Variants in ATXN1 observed in about 807,000 individuals in gnomAD.
The protein encoded by ATXN1 is ataxin-1.
ATXN1 carries 8 observed loss-of-function variants against 56.4 expected under a neutral mutation model. The observed-to-expected ratio is 0.14, with a 90% confidence interval of 0.08 to 0.26. The LOEUF is 0.26. Ranked by LOEUF, ATXN1 falls within the 10% of genes least tolerant of loss-of-function variation. The pLI is 1.00. For synonymous variants in ATXN1, 514 were observed against 494.6 expected, an observed-to-expected ratio of 1.04 and a Z score of -0.52; for missense variants, 987 against 1,106.5, an observed-to-expected ratio of 0.89 and a Z score of 1.53.
chr6:16,573,250 T>C (rs1762364273), intron 4 of ATXN1, among the ~76,000 whole-genome samples: 1 of 151,856 alleles, frequency 6.6e-6, no homozygotes, highest in South Asian at 2.1e-4. Flanking sequence ...GGCATGCAAA[T>C]ATCTGCTGAA....
At chr6:16,563,993 A>G (rs1235580423) in intron 4 of ATXN1, among the ~76,000 whole-genome samples, 1 of 152,202 alleles carries the variant, frequency 6.6e-6, no homozygotes, top group Non-Finnish European at 1.5e-5. Context: ...ATCTGGGATC[A>G]TATCATGAGG....
chr6:16,632,571 G>A (rs72825568), intron 3 of ATXN1, among the ~76,000 whole-genome samples: 7,456 of 152,188 alleles, frequency 0.049, 380 homozygotes, highest in African/African-American at 0.12. Flanking sequence ...AAGCCCCACT[G>A]GGATGCGGGG....
intron 3 of ATXN1, among the ~76,000 whole-genome samples, chr6:16,614,650 C>T (rs1333011858): frequency 3.3e-5 from 5 of 151,734 alleles, no homozygotes; most frequent in Non-Finnish European, 1.5e-5. Flanking sequence ...AGGCCACATG[C>T]GGTGGCTCAT....
At chr6:16,436,531 A>C (rs745674292) in intron 6 of ATXN1, among the ~76,000 whole-genome samples, 1 of 152,190 alleles carries the variant, frequency 6.6e-6, no homozygotes, top group Non-Finnish European at 1.5e-5. Context: ...AGAGACAGTA[A>C]CTTTTGGGGA....
intron 6 of ATXN1, among the ~76,000 whole-genome samples, chr6:16,436,010 G>C (rs1759380318): frequency 6.6e-6 from 1 of 151,984 alleles, no homozygotes; most frequent in Non-Finnish European, 1.5e-5. Context: ...CTATTCTCCT[G>C]CCTTAGCCTC....
chr6:16,318,499 C>T (rs1760567050), intron 7 of ATXN1, among the ~76,000 whole-genome samples: 1 of 152,152 alleles, frequency 6.6e-6, no homozygotes, highest in South Asian at 2.1e-4. Flanking sequence ...AATCAGAAAA[C>T]CCCGTCTCAA....
At chr6:16,454,186 G>C (rs1231860891) in intron 6 of ATXN1, among the ~76,000 whole-genome samples, 1 of 145,508 alleles carries the variant, frequency 6.9e-6, no homozygotes, top group Non-Finnish European at 1.5e-5. Context: ...TATTTACTGA[G>C]TGCTTACAGT....
Position 16,301,869 on chromosome 6 carries a change from A to G in ATXN1, c.*4460T>C, listed in dbSNP as rs1000351304. 2.0e-5 allele frequency: 3 copies of G among 152,756 alleles called. No individual in the cohort carries two copies. Among genetic ancestry groups the G allele is most frequent in the African/African-American group, 7.2e-5 (3 of 41,456 alleles). 9.5% of individuals were successfully genotyped at this position (152,756 alleles called of 1,614,324 possible). On this transcript the variant is annotated 3_prime_UTR_variant, in exon 8 of 8. Transcript: ENST00000436367. ...ATTAGTGTCTTCAAAAGCATTGGAG[A>G]TTTTTCTCTCTATGAAAGAAATAGG... is the stretch of plus-strand genomic sequence containing the variant.
chr6:16,562,547 G>A (rs555374988), intron 4 of ATXN1, among the ~76,000 whole-genome samples: 1 of 151,374 alleles, frequency 6.6e-6, no homozygotes, highest in South Asian at 2.1e-4. Context: ...GAAAAGAAAA[G>A]AAATGAAATG....
chr6:16,517,914 T>C (rs1259193501), intron 5 of ATXN1, among the ~76,000 whole-genome samples: 1 of 151,894 alleles, frequency 6.6e-6, no homozygotes, highest in Non-Finnish European at 1.5e-5. Context: ...AATTAAAGAG[T>C]GTGAGCAGAG....
intron 6 of ATXN1, among the ~76,000 whole-genome samples, chr6:16,419,245 G>A (rs1191140877): frequency 6.6e-6 from 1 of 152,126 alleles, no homozygotes; most frequent in African/African-American, 2.4e-5. Flanking sequence ...CACTGCACAT[G>A]GCTTCCCATG....
intron 3 of ATXN1, among the ~76,000 whole-genome samples, chr6:16,630,583 A>G (rs1170128485): frequency 1.3e-5 from 2 of 152,224 alleles, no homozygotes; most frequent in Admixed American, 6.5e-5. Flanking sequence ...CATCTGCTCA[A>G]CTGTGAATCG....
Position 16,471,134 on chromosome 6 carries a change from G to A in ATXN1, c.-161+14838C>T, listed in dbSNP as rs1164279698. ...CCTTTTGCCACAAGTTTTCATACAA[G>A]CTTTGCTTTCTCATTCCAATAATCT... On this transcript the variant is annotated intron_variant, in intron 6 of 7. Coordinates refer to ENST00000436367, the MANE Select transcript of ATXN1 (RefSeq NM_001128164.2). Among the ~76,000 whole-genome samples, 3 of 151,580 alleles carry A rather than the reference G, an allele frequency of 2.0e-5. No homozygotes were observed. The East Asian group carries it at 5.8e-4, about 29-fold the overall frequency.
At chr6:16,325,942 T>A (rs1201257161) in intron 7 of ATXN1, among the ~76,000 whole-genome samples, 3 of 152,128 alleles carry the variant, frequency 2.0e-5, no homozygotes, top group Non-Finnish European at 4.4e-5. Context: ...TAATAAGACA[T>A]ATTTTAAAAC....
At chr6:16,632,772 C>T (rs1318876176) in intron 3 of ATXN1, among the ~76,000 whole-genome samples, 2 of 152,088 alleles carry the variant, frequency 1.3e-5, no homozygotes, top group East Asian at 3.8e-4. Context: ...AGTCCCAGCA[C>T]TTTAGGAGGC....
At chr6:16,477,471 C>G (rs896845596) in intron 6 of ATXN1, among the ~76,000 whole-genome samples, 12 of 152,180 alleles carry the variant, frequency 7.9e-5, no homozygotes, top group Non-Finnish European at 1.3e-4. Context: ...AGCCATATTC[C>G]TCTTCAAGGC....
At chr6:16,332,072 A>AT (rs918061361) in intron 6 of ATXN1, among the ~76,000 whole-genome samples, 3 of 152,258 alleles carry the variant, frequency 2.0e-5, no homozygotes, top group African/African-American at 7.2e-5. Context: ...GGACACAATG[A>AT]TTAAGACAGC....
chr6:16,624,590 T>C (rs1763375730), intron 3 of ATXN1, among the ~76,000 whole-genome samples: 2 of 152,172 alleles, frequency 1.3e-5, no homozygotes, highest in Admixed American at 6.6e-5. Context: ...TTCATAATCA[T>C]ATACATTCTG....
intron 2 of ATXN1, among the ~76,000 whole-genome samples, chr6:16,733,106 C>A (rs1760029019): frequency 1.3e-5 from 2 of 152,232 alleles, no homozygotes; most frequent in Admixed American, 6.5e-5. Flanking sequence ...CCCACCATAC[C>A]AGGTATTACT....
Sources: allele counts gnomAD v4.1 joint callset (sites outside exome capture counted in the v4.1 genomes callset), GRCh38; gene constraint gnomAD v4.1.1; transcripts MANE v1.5; gene names NCBI Gene and HGNC (gene_info 2026-07-23, HGNC 2026-07-21).